TMEM132D: variants seen among roughly 807,000 people sequenced by gnomAD.
The protein encoded by TMEM132D is mature OL transmembrane protein.
In TMEM132D, 21 loss-of-function variants were observed where a neutral mutation model predicts 62.3. The observed-to-expected ratio is 0.34, with a 90% confidence interval of 0.24 to 0.49. TMEM132D has a LOEUF of 0.49. Ranked by LOEUF, TMEM132D falls within the 20% of genes least tolerant of loss-of-function variation. The pLI, the probability that TMEM132D is intolerant of heterozygous loss-of-function variation, is 0.99. For synonymous variants in TMEM132D, 621 were observed against 575.6 expected (o/e 1.08, Z -1.13); for missense variants, 1,346 against 1,402.8 (o/e 0.96, Z 0.65).
At chr12:129,300,126 T>C (rs1379419042) in intron 4 of TMEM132D, among the ~76,000 whole-genome samples, 1 of 152,198 alleles carries the variant, frequency 6.6e-6, no homozygotes, top group Non-Finnish European at 1.5e-5. Flanking sequence ...CCATTCAAAA[T>C]GTACTGGGGA....
chr12:129,455,362 T>C (rs1239965338), intron 3 of TMEM132D, among the ~76,000 whole-genome samples: 4 of 152,192 alleles, frequency 2.6e-5, no homozygotes, highest in Admixed American at 1.3e-4. Flanking sequence ...TCAACTTTAA[T>C]TAAGGATAAT....
intron 3 of TMEM132D, among the ~76,000 whole-genome samples, chr12:129,464,372 C>A (rs1873808972): frequency 6.6e-6 from 1 of 152,028 alleles, no homozygotes; most frequent in African/African-American, 2.4e-5. Flanking sequence ...TGGATATTAG[C>A]CCTTTGTCAG....
intron 8 of TMEM132D, among the ~76,000 whole-genome samples, chr12:129,077,421 AC>A (rs1326457325): frequency 6.6e-6 from 1 of 152,212 alleles, no homozygotes; most frequent in Non-Finnish European, 1.5e-5. Context: ...AGCAAGCTTC[AC>A]CCAAATTCCT....
chr12:129,467,549 C>T (rs1299659481), intron 3 of TMEM132D, among the ~76,000 whole-genome samples: 2 of 152,190 alleles, frequency 1.3e-5, no homozygotes, highest in Admixed American at 6.5e-5. Context: ...GCACCTGCTA[C>T]TGTGGTGGAA....
intron 1 of TMEM132D, among the ~76,000 whole-genome samples, chr12:129,758,585 C>T (rs1255413865): frequency 1.3e-5 from 2 of 152,182 alleles, no homozygotes; most frequent in South Asian, 4.1e-4. Context: ...CTAGTATACA[C>T]TTCTTGTATA....
intron 3 of TMEM132D, among the ~76,000 whole-genome samples, chr12:129,367,994 G>C (rs1192270679): frequency 2.6e-5 from 4 of 151,956 alleles, no homozygotes; most frequent in Non-Finnish European, 5.9e-5. Flanking sequence ...TAGAGAGCCT[G>C]GTTGGCCAGG....
chr12:129,742,948 T>C (rs922198305), intron 1 of TMEM132D, among the ~76,000 whole-genome samples: 3 of 152,200 alleles, frequency 2.0e-5, no homozygotes, highest in African/African-American at 7.2e-5. Flanking sequence ...CCTGGTAAAA[T>C]TGAGAAAATG....
chr12:129,616,537 G>A (rs111400823), intron 2 of TMEM132D, among the ~76,000 whole-genome samples: 4,713 of 152,326 alleles, frequency 0.031, 115 homozygotes, highest in Middle Eastern at 0.075. Context: ...GAGGGACCCA[G>A]TGGGAGGAAA....
At chr12:129,622,289 G>A (rs1879094470) in intron 2 of TMEM132D, among the ~76,000 whole-genome samples, 1 of 152,246 alleles carries the variant, frequency 6.6e-6, no homozygotes, top group South Asian at 2.1e-4. Context: ...TGTGGGCGAT[G>A]ACGAGAAGAT....
intron 2 of TMEM132D, among the ~76,000 whole-genome samples, chr12:129,614,041 C>A (rs981286950): frequency 7.3e-6 from 1 of 137,696 alleles, no homozygotes; most frequent in Non-Finnish European, 1.7e-5. Flanking sequence ...GTCTCCATCA[C>A]CTAGGCAACT....
At chr12:129,334,817 T>C (rs1452692019) in intron 4 of TMEM132D, among the ~76,000 whole-genome samples, 1 of 152,170 alleles carries the variant, frequency 6.6e-6, no homozygotes, top group Non-Finnish European at 1.5e-5. Context: ...CTTGAACTCC[T>C]GACCTCAGGT....
At chr12:129,902,780 A>G (rs1166990809) in intron 1 of TMEM132D, among the ~76,000 whole-genome samples, 1 of 152,054 alleles carries the variant, frequency 6.6e-6, no homozygotes, top group Non-Finnish European at 1.5e-5. Context: ...CCTATAATAC[A>G]CAAAATAGTA....
intron 1 of TMEM132D, among the ~76,000 whole-genome samples, chr12:129,841,206 T>C (rs1023844608): frequency 1.3e-5 from 2 of 152,128 alleles, no homozygotes; most frequent in Non-Finnish European, 2.9e-5. Flanking sequence ...TACCAAAAGT[T>C]TTCAGCGTGC....
chr12:129,759,340 T>C (rs1870276689), intron 1 of TMEM132D, among the ~76,000 whole-genome samples: 1 of 152,238 alleles, frequency 6.6e-6, no homozygotes, highest in African/African-American at 2.4e-5. Context: ...TCAGTCATTT[T>C]TACATGCTGT....
intron 5 of TMEM132D, among the ~76,000 whole-genome samples, chr12:129,116,945 A>AAAAAAAAC (rs1875912695): frequency 7.0e-6 from 1 of 142,842 alleles, no homozygotes. Context: ...AAAAAAAAAA[A>AAAAAAAAC]AATCTGTACG....
chr12:129,879,203 TCA>T (rs1221211348), intron 1 of TMEM132D, among the ~76,000 whole-genome samples: 1 of 152,190 alleles, frequency 6.6e-6, no homozygotes, highest in Non-Finnish European at 1.5e-5. Flanking sequence ...CTTTCCTAGA[TCA>T]CAGTCTCACT....
intron 1 of TMEM132D, among the ~76,000 whole-genome samples, chr12:129,865,287 G>A (rs1380231321): frequency 6.6e-6 from 1 of 152,222 alleles, no homozygotes; most frequent in Non-Finnish European, 1.5e-5. Context: ...AAATGAACTT[G>A]GAGGCAGGGG....
intron 4 of TMEM132D, among the ~76,000 whole-genome samples, chr12:129,295,207 C>T (rs1323122184): frequency 6.6e-6 from 1 of 151,276 alleles, no homozygotes; most frequent in Non-Finnish European, 1.5e-5. Flanking sequence ...ACACTGCTGG[C>T]TAGACACTAC....
At chr12:129,340,208 A>T (rs1392782002) in intron 3 of TMEM132D, among the ~76,000 whole-genome samples, 1 of 152,062 alleles carries the variant, frequency 6.6e-6, no homozygotes, top group Non-Finnish European at 1.5e-5. Context: ...TTTTCTTTAG[A>T]TCCCTTTCCC....
Sources: allele counts gnomAD v4.1 joint callset (sites outside exome capture counted in the v4.1 genomes callset), GRCh38; gene constraint gnomAD v4.1.1; transcripts MANE v1.5; gene names NCBI Gene and HGNC (gene_info 2026-07-23, HGNC 2026-07-21).